TRAPPC12: variants seen among roughly 807,000 people sequenced by gnomAD.
TRAPPC12 encodes trafficking protein particle complex subunit 12, also known as TPR repeat protein 15.
A neutral mutation model predicts 69.2 loss-of-function variants in TRAPPC12; 61 were observed. That is an observed-to-expected ratio of 0.88 (90% CI 0.72 to 1.09). The LOEUF (loss-of-function observed/expected upper bound fraction) is 1.09. TRAPPC12 is among the 50% of genes least tolerant of loss of function. The pLI, the probability that TRAPPC12 is intolerant of heterozygous loss-of-function variation, is 0.00. For synonymous variants in TRAPPC12, 469 were observed against 438.9 expected (o/e 1.07, Z -0.86); for missense variants, 1,101 against 1,016.4 (o/e 1.08, Z -1.13).
chr2:3,416,401 G>A (rs904516642), intron 3 of TRAPPC12, among the ~76,000 whole-genome samples: 1 of 152,080 alleles, frequency 6.6e-6, no homozygotes, highest in Non-Finnish European at 1.5e-5. Flanking sequence ...GTGTCCGCAG[G>A]GGCAGTTCTG....
At chr2:3,461,493 C>T (rs1665498612) in intron 8 of TRAPPC12, among the ~76,000 whole-genome samples, 1 of 152,234 alleles carries the variant, frequency 6.6e-6, no homozygotes, top group South Asian at 2.1e-4. Context: ...CTACTGCAAG[C>T]CTCAGCCTCC....
rs113839079 is a variant in TRAPPC12, at chr2:3,402,320, A to G, written c.1164+427A>G. Among the ~76,000 whole-genome samples the G allele has an allele frequency of 8.4e-3, 1,280 of 152,300 alleles. 21 individuals carry two copies. The highest frequency in any genetic ancestry group is 0.028 in the African/African-American group (1,182 of 41,552). On this transcript the variant is annotated intron_variant, in intron 3 of 11. Coordinates refer to ENST00000324266, the MANE Select transcript of TRAPPC12 (RefSeq NM_016030.6). ...GTTTTTAAAATTCATGGCTGGGCGCAGTGGCTCACACCTGTAATCCCAGCA... is the reference window on the plus strand; with the variant it reads ...GTTTTTAAAATTCATGGCTGGGCGCGGTGGCTCACACCTGTAATCCCAGCA...
chr2:3,416,632 T>TC (rs1365044574), intron 3 of TRAPPC12, among the ~76,000 whole-genome samples: 1 of 21,606 alleles, frequency 4.6e-5, no homozygotes, highest in Non-Finnish European at 8.2e-5. Context: ...CACTGTGCCC[T>TC]CCCCTGCCCC....
At chr2:3,403,532 G>A (rs1410232875) in intron 3 of TRAPPC12, among the ~76,000 whole-genome samples, 1 of 152,134 alleles carries the variant, frequency 6.6e-6, no homozygotes, top group African/African-American at 2.4e-5. Context: ...CACCCGACCA[G>A]ATTTCACCTA....
At chr2:3,441,692 C>A (rs962042633) in intron 5 of TRAPPC12, among the ~76,000 whole-genome samples, 6 of 148,344 alleles carry the variant, frequency 4.0e-5, no homozygotes, top group South Asian at 4.2e-4. Flanking sequence ...ATTTTATTTT[C>A]TTATAATAAA....
chr2:3,426,721 G>A (rs1663123831), intron 5 of TRAPPC12, among the ~76,000 whole-genome samples: 2 of 152,312 alleles, frequency 1.3e-5, no homozygotes, highest in East Asian at 1.9e-4. Context: ...GAAGCTGCTC[G>A]GTGGTCGTGA....
intron 6 of TRAPPC12, among the ~76,000 whole-genome samples, chr2:3,444,746 T>C (rs1191187710): frequency 6.6e-6 from 1 of 152,226 alleles, no homozygotes. Flanking sequence ...GTGTTAACAG[T>C]GTTCCTAGTA....
At chr2:3,412,466 C>G (rs768994475) in intron 3 of TRAPPC12, among the ~76,000 whole-genome samples, 37 of 152,166 alleles carry the variant, frequency 2.4e-4, no homozygotes, top group Non-Finnish European at 3.5e-4. Context: ...GAGGCTGAGG[C>G]GGGCGAATTG....
chr2:3,381,444 A>C (rs1660204022), intron 1 of TRAPPC12, among the ~76,000 whole-genome samples: 1 of 151,950 alleles, frequency 6.6e-6, no homozygotes, highest in South Asian at 2.1e-4. Flanking sequence ...TTAAACAATT[A>C]ATTAATCACA....
At chr2:3,474,801 C>T (rs1192527132) in intron 9 of TRAPPC12, among the ~76,000 whole-genome samples, 1 of 152,146 alleles carries the variant, frequency 6.6e-6, no homozygotes, top group Non-Finnish European at 1.5e-5. Context: ...GAGTATTCAC[C>T]TAAGAATTGC....
chr2:3,408,225 A>G (rs1274438779), intron 3 of TRAPPC12, among the ~76,000 whole-genome samples: 2 of 152,322 alleles, frequency 1.3e-5, no homozygotes, highest in Middle Eastern at 3.4e-3. Context: ...GAGAAACACT[A>G]AAGAGGAGGG....
rs571372291 is a variant in TRAPPC12 at position 3,463,545 on chromosome 2, C to T, written c.1678-2052C>T. On this transcript the variant is annotated intron_variant, in intron 8 of 11. Transcript: ENST00000324266. ...CCCATCAAAGAGCATGGCTTGGTTT[C>T]GTAAAAACCTGTCTTTTGTCATACT... is the stretch of plus-strand genomic sequence containing the variant. Among the ~76,000 whole-genome samples the T allele has an allele frequency of 4.6e-5, 7 of 150,552 alleles. 1 individual carries two copies. Among genetic ancestry groups the T allele is most frequent in the South Asian group, 4.3e-4 (2 of 4,678 alleles).
At chr2:3,380,590 A>G (rs773820963) in intron 1 of TRAPPC12, among the ~76,000 whole-genome samples, 14 of 152,198 alleles carry the variant, frequency 9.2e-5, no homozygotes, top group African/African-American at 2.7e-4. Flanking sequence ...CTTTGGATTC[A>G]GTCACTGTTC....
intron 6 of TRAPPC12, 135 bp from the exon 7 acceptor site, chr2:3,457,486 A>T: frequency 3.0e-6 from 2 of 661,316 alleles, no homozygotes; most frequent in Non-Finnish European, 5.3e-6. Flanking sequence ...AATATTTTTT[A>T]AAAGTATGTG....
intron 3 of TRAPPC12, among the ~76,000 whole-genome samples, chr2:3,415,062 G>C (rs1236031680): frequency 1.3e-5 from 2 of 152,098 alleles, no homozygotes. Context: ...CCTGGAACCG[G>C]TCCCCGGCAG....
At chr2:3,398,135 A>G (rs182314904) in intron 2 of TRAPPC12, among the ~76,000 whole-genome samples, 22 of 152,232 alleles carry the variant, frequency 1.4e-4, no homozygotes, top group Admixed American at 7.9e-4. Flanking sequence ...GGCTGTTTCT[A>G]CCTTTTGGCT....
intron 1 of TRAPPC12, among the ~76,000 whole-genome samples, chr2:3,383,889 TTTTTTTTTTTTTTTTTTTTTTTTG>T (rs1660363107): frequency 5.2e-5 from 1 of 19,294 alleles, no homozygotes; most frequent in Admixed American, 3.8e-4. Flanking sequence ...TTTTTTTTTT[TTTTTTTTTTTTTTTTTTTTTTTTG>T]AGATGAAGTT....
At chr2:3,462,277 G>A (rs1665547142) in intron 8 of TRAPPC12, among the ~76,000 whole-genome samples, 1 of 152,198 alleles carries the variant, frequency 6.6e-6, no homozygotes. Flanking sequence ...CTGGGACTCA[G>A]TACAGAACAT....
chr2:3,449,012 C>A (rs1664708400), intron 6 of TRAPPC12, among the ~76,000 whole-genome samples: 1 of 152,196 alleles, frequency 6.6e-6, no homozygotes, highest in African/African-American at 2.4e-5. Context: ...CAAACGAGTT[C>A]AGGGTACTTC....
Sources: allele counts gnomAD v4.1 joint callset (sites outside exome capture counted in the v4.1 genomes callset), GRCh38; gene constraint gnomAD v4.1.1; transcripts MANE v1.5; gene names NCBI Gene and HGNC (gene_info 2026-07-23, HGNC 2026-07-21).